The following DPP6 variants were observed in gnomAD, a reference collection of about 807,000 sequenced individuals.
DPP6 encodes dipeptidyl peptidase like 6, also known as A-type potassium channel modulatory protein DPP6.
A neutral mutation model predicts 122.6 loss-of-function variants in DPP6; 69 were observed. That is an observed-to-expected ratio of 0.56 (90% CI 0.46 to 0.69). DPP6 has a LOEUF of 0.69. DPP6 is among the 30% of genes least tolerant of loss of function. DPP6 has a pLI of 0.00. For missense variants in DPP6, 928 were observed against 1,116.9 expected (o/e 0.83, Z 2.41); for synonymous variants, 418 against 433.1 (o/e 0.97, Z 0.43).
chr7:154,372,076 G>A (rs959532392), intron 1 of DPP6, among the ~76,000 whole-genome samples: 7 of 151,950 alleles, frequency 4.6e-5, no homozygotes, highest in African/African-American at 9.7e-5. Context: ...ACCACCCCCC[G>A]GGGAGTGGGG....
intron 7 of DPP6, among the ~76,000 whole-genome samples, chr7:154,725,481 G>C (rs1842020879): frequency 6.6e-6 from 1 of 152,090 alleles, no homozygotes; most frequent in Non-Finnish European, 1.5e-5. Flanking sequence ...AGAGTGAAGG[G>C]GGAGTGCTAT....
chr7:154,396,072 G>A (rs551741630), intron 1 of DPP6, among the ~76,000 whole-genome samples: 13 of 151,816 alleles, frequency 8.6e-5, no homozygotes, highest in African/African-American at 1.9e-4. Flanking sequence ...ATATACTTAC[G>A]AATTGTTATT....
intron 16 of DPP6, among the ~76,000 whole-genome samples, chr7:154,834,627 C>T (rs1478054823): frequency 2.6e-5 from 4 of 152,236 alleles, no homozygotes; most frequent in Non-Finnish European, 5.9e-5. Context: ...AAGAGGGAGA[C>T]TCGGAGACTA....
rs557577776 is a variant in DPP6, at chr7:153,891,114, C to T, written c.51+3380C>T. Among the ~76,000 whole-genome samples, 436 of 147,806 alleles carry T rather than the reference C, an allele frequency of 2.9e-3. 2 individuals are homozygous for T. The highest frequency in any genetic ancestry group is 6.4e-3 in the Admixed American group (95 of 14,746). On this transcript the variant is annotated intron_variant, in intron 1 of 25. Coordinates refer to the DPP6 transcript ENST00000404039. ...TCGGCTCACTGCAAGCTCCGCCTCCCGGGTTCATGCCATTCTCCTGCCTCA... is the reference window on the plus strand; with the variant it reads ...TCGGCTCACTGCAAGCTCCGCCTCCTGGGTTCATGCCATTCTCCTGCCTCA...
chr7:153,798,124 G>C, the DPP6 span, among the ~76,000 whole-genome samples: 1 of 152,108 alleles, frequency 6.6e-6, no homozygotes, highest in Non-Finnish European at 1.5e-5. Flanking sequence ...TTACAGGCGT[G>C]AGCCACCGTG....
intron 16 of DPP6, among the ~76,000 whole-genome samples, chr7:154,837,353 C>T (rs559712031): frequency 6.6e-6 from 1 of 152,210 alleles, no homozygotes; most frequent in African/African-American, 2.4e-5. Flanking sequence ...CACATGCACA[C>T]ATGCATGCAT....
chr7:154,851,183 C>T (rs1183235524), intron 16 of DPP6, among the ~76,000 whole-genome samples: 1 of 152,200 alleles, frequency 6.6e-6, no homozygotes, highest in Non-Finnish European at 1.5e-5. Context: ...GCGACTAATT[C>T]AGGCTCAGTA....
At position 154,376,333 on chromosome 7, in the gene DPP6, A is replaced by C. The variant is rs536177498; in HGVS notation, c.244-69881A>C. Among the ~76,000 whole-genome samples the C allele has an allele frequency of 2.7e-4, 41 of 152,312 alleles. 1 individual carries two copies. The highest frequency in any genetic ancestry group is 1.9e-3 in the South Asian group (9 of 4,824). ...TTAAAAAATACTTTTAGCAGGACATAATTCATTATACAAGGCAGCATTAGC... is the reference window on the plus strand; with the variant it reads ...TTAAAAAATACTTTTAGCAGGACATCATTCATTATACAAGGCAGCATTAGC... On this transcript the variant is annotated intron_variant, in intron 1 of 25. Coordinates refer to ENST00000377770, the MANE Select transcript of DPP6 (RefSeq NM_130797.4).
At chr7:154,305,636 C>G in intron 1 of DPP6, 1 of 1,505,612 alleles carries the variant, frequency 6.6e-7, no homozygotes, top group Non-Finnish European at 9.0e-7. Flanking sequence ...GAGACAGAGA[C>G]AGAGAGGGAG....
chr7:154,594,696 G>A (rs758117668), intron 5 of DPP6, among the ~76,000 whole-genome samples: 15 of 151,900 alleles, frequency 9.9e-5, no homozygotes, highest in African/African-American at 2.2e-4. Context: ...CTTTCCCTCC[G>A]CCCTTGGCAC....
chr7:154,427,735 G>A (rs1818030543), intron 1 of DPP6, among the ~76,000 whole-genome samples: 1 of 152,154 alleles, frequency 6.6e-6, no homozygotes, highest in South Asian at 2.1e-4. Context: ...GCTGTTCATG[G>A]AAGGAAGCCA....
chr7:154,697,437 G>A (rs574285695), intron 7 of DPP6, among the ~76,000 whole-genome samples: 1 of 152,366 alleles, frequency 6.6e-6, no homozygotes, highest in East Asian at 1.9e-4. Context: ...CTCAGGCAGA[G>A]GAAAGAGCCC....
chr7:154,582,149 A>G (rs1318385822), intron 5 of DPP6, among the ~76,000 whole-genome samples: 1 of 152,138 alleles, frequency 6.6e-6, no homozygotes, highest in East Asian at 1.9e-4. Context: ...TGGTGGAAAC[A>G]GTCTGAGTGC....
chr7:153,878,844 T>C, the DPP6 span, among the ~76,000 whole-genome samples: 2 of 151,624 alleles, frequency 1.3e-5, no homozygotes, highest in Non-Finnish European at 2.9e-5. Context: ...GTAAAGAAAA[T>C]AGCACGAAAA....
intron 1 of DPP6, among the ~76,000 whole-genome samples, chr7:154,286,064 TG>T (rs1234656921): frequency 1.3e-5 from 2 of 152,212 alleles, no homozygotes; most frequent in Non-Finnish European, 2.9e-5. Context: ...TAGATTCTCT[TG>T]ATCAGTCTAC....
Position 154,853,819 on chromosome 7 carries a change from A to G in DPP6, c.1706A>G (p.Asp569Gly). ...VPMVTVHNTT[D>G]KKKMFDLETN... Reference sequence around the variant, plus strand: ...ATGGTGACGGTGCACAACACAACAGATAAGAAAAGTAAGTGCTCTTTTTTT... The same window carrying G: ...ATGGTGACGGTGCACAACACAACAGGTAAGAAAAGTAAGTGCTCTTTTTTT... The change falls in exon 17 of 26, where the codon GAT becomes GGT. Residue 569 changes from aspartate (D) to glycine (G), a missense_variant. Transcript: ENST00000377770. 6.2e-7 allele frequency: 1 copy of G among 1,613,888 alleles called. No homozygotes were observed. Among genetic ancestry groups the G allele is most frequent in the Non-Finnish European group, 8.5e-7 (1 of 1,179,848 alleles).
intron 1 of DPP6, among the ~76,000 whole-genome samples, chr7:154,350,111 G>A (rs1418279731): frequency 2.0e-5 from 3 of 152,198 alleles, no homozygotes; most frequent in Non-Finnish European, 4.4e-5. Context: ...GGGCTGTGGG[G>A]ATGGAGATGA....
At chr7:154,522,495 G>A (rs1015184703) in intron 3 of DPP6, among the ~76,000 whole-genome samples, 2 of 152,162 alleles carry the variant, frequency 1.3e-5, no homozygotes, top group African/African-American at 4.8e-5. Context: ...TCGGGAGCAC[G>A]TCTCACAAAT....
intron 1 of DPP6, among the ~76,000 whole-genome samples, chr7:153,956,668 T>C (rs1479673429): frequency 1.3e-5 from 2 of 152,244 alleles, no homozygotes; most frequent in Admixed American, 6.5e-5. Context: ...GACCAGTCTT[T>C]TGCGAGTCTT....
Sources: allele counts gnomAD v4.1 joint callset (sites outside exome capture counted in the v4.1 genomes callset), GRCh38; gene constraint gnomAD v4.1.1; transcripts MANE v1.5; gene names NCBI Gene and HGNC (gene_info 2026-07-23, HGNC 2026-07-21).